The following UNC13C variants were observed in gnomAD, a reference collection of about 807,000 sequenced individuals.
UNC13C encodes unc-13 homolog C.
A neutral mutation model predicts 245.4 loss-of-function variants in UNC13C; 174 were observed. The ratio of observed to expected loss-of-function variants is 0.71; its 90% CI spans 0.63 to 0.80. The LOEUF is 0.80. UNC13C is among the 30% of genes least tolerant of loss of function. UNC13C has a pLI of 0.00. For missense variants in UNC13C, 2,829 were observed against 2,602.9 expected (o/e 1.09, Z -1.89); for synonymous variants, 992 against 895.1 (o/e 1.11, Z -1.93).
chr15:54,604,857 T>A (rs1899673024), intron 30 of UNC13C, among the ~76,000 whole-genome samples: 1 of 152,170 alleles, frequency 6.6e-6, no homozygotes, highest in Non-Finnish European at 1.5e-5. Flanking sequence ...CTCCTCATGC[T>A]TAAAATGTAG....
chr15:53,972,610 C>T, the UNC13C span: 2 of 152,038 alleles, frequency 1.3e-5, no homozygotes, highest in Admixed American at 6.6e-5. Flanking sequence ...ACCTGTTAGA[C>T]AAAGGACATC....
intron 4 of UNC13C, among the ~76,000 whole-genome samples, chr15:54,185,388 G>T (rs2033943285): frequency 1.3e-5 from 2 of 151,216 alleles, no homozygotes; most frequent in South Asian, 4.2e-4. Context: ...TTCTTCTAGG[G>T]TTTTTATGGT....
chr15:54,320,693 TCTC>T, intron 13 of UNC13C: 1 of 353,858 alleles, frequency 2.8e-6, no homozygotes, highest in East Asian at 7.7e-5. Flanking sequence ...CTGGCTCTCT[TCTC>T]CTGCTAAACT....
intron 4 of UNC13C, among the ~76,000 whole-genome samples, chr15:54,159,849 G>A (rs150545589): frequency 4.1e-4 from 62 of 152,332 alleles, no homozygotes; most frequent in Non-Finnish European, 8.2e-4. Context: ...CCATTATGCA[G>A]TAGTGCACTA....
chr15:54,070,099 A>G (rs887212947), intron 2 of UNC13C, among the ~76,000 whole-genome samples: 6 of 152,230 alleles, frequency 3.9e-5, no homozygotes, highest in African/African-American at 1.4e-4. Context: ...CGAAGCCCCT[A>G]CTGGGGCGAT....
the UNC13C span, among the ~76,000 whole-genome samples, chr15:53,847,794 G>A: frequency 2.0e-5 from 3 of 152,082 alleles, no homozygotes; most frequent in African/African-American, 7.2e-5. Flanking sequence ...GGTTAAACAT[G>A]CACCATTGTG....
intron 24 of UNC13C, among the ~76,000 whole-genome samples, chr15:54,521,620 A>T (rs1443608042): frequency 1.1e-4 from 17 of 152,190 alleles, no homozygotes; most frequent in Admixed American, 9.8e-4. Flanking sequence ...ACAAACAAAC[A>T]TGCAGTGTGG....
intron 2 of UNC13C, among the ~76,000 whole-genome samples, chr15:54,066,028 C>G (rs1488873722): frequency 6.6e-6 from 1 of 152,108 alleles, no homozygotes; most frequent in East Asian, 1.9e-4. Context: ...TTCTGAAGAT[C>G]CAAATTACTT....
chr15:53,977,564 T>C (rs561828791), upstream of UNC13C, among the ~76,000 whole-genome samples: 1 of 152,302 alleles, frequency 6.6e-6, no homozygotes, highest in East Asian at 1.9e-4. Context: ...CAAAGAAAAG[T>C]AAAATTTTAA....
intron 7 of UNC13C, among the ~76,000 whole-genome samples, chr15:54,242,721 A>T (rs2035886474): frequency 6.6e-6 from 1 of 152,238 alleles, no homozygotes; most frequent in Non-Finnish European, 1.5e-5. Flanking sequence ...TTGCATATAC[A>T]CAAAGTAATA....
At chr15:54,378,813 G>A (rs1298149796) in intron 17 of UNC13C, among the ~76,000 whole-genome samples, 1 of 151,848 alleles carries the variant, frequency 6.6e-6, no homozygotes, top group Non-Finnish European at 1.5e-5. Flanking sequence ...ATTCAGAATT[G>A]TAATATTTTA....
At chr15:53,992,301 T>G (rs1894427374) in intron 1 of UNC13C, among the ~76,000 whole-genome samples, 1 of 152,070 alleles carries the variant, frequency 6.6e-6, no homozygotes, top group Admixed American at 6.6e-5. Context: ...GTCTTACAGC[T>G]TCTTCAATAT....
chr15:54,311,315 C>G (rs1327488162), intron 13 of UNC13C, among the ~76,000 whole-genome samples: 1 of 151,658 alleles, frequency 6.6e-6, no homozygotes, highest in Non-Finnish European at 1.5e-5. Context: ...TATCTTTAAT[C>G]TTTAGGTGTA....
At chr15:54,248,169 C>T in intron 7 of UNC13C, among the ~76,000 whole-genome samples, 1 of 151,888 alleles carries the variant, frequency 6.6e-6, no homozygotes, top group Non-Finnish European at 1.5e-5. Flanking sequence ...TGTTTTATTC[C>T]CACTCAGTAT....
intron 2 of UNC13C, among the ~76,000 whole-genome samples, chr15:54,074,469 G>T (rs1898489852): frequency 6.6e-6 from 1 of 152,202 alleles, no homozygotes; most frequent in African/African-American, 2.4e-5. Context: ...ACTTTGGAAA[G>T]TATGGCCATT....
intron 26 of UNC13C, among the ~76,000 whole-genome samples, chr15:54,533,806 A>G (rs1379835860): frequency 6.6e-6 from 1 of 152,194 alleles, no homozygotes; most frequent in Non-Finnish European, 1.5e-5. Context: ...TACAATTTGT[A>G]ATGTGTCCAC....
intron 17 of UNC13C, among the ~76,000 whole-genome samples, chr15:54,366,272 A>G (rs2039363190): frequency 6.6e-6 from 1 of 152,192 alleles, no homozygotes; most frequent in African/African-American, 2.4e-5. Context: ...TATTTCCATA[A>G]CGTGGCAAAA....
chr15:54,577,085 AG>A lies in UNC13C; in HGVS notation c.6106+9139del, dbSNP rs138801536. Among the ~76,000 whole-genome samples the A allele has an allele frequency of 8.9e-3, 1,361 of 152,274 alleles. 14 individuals are homozygous for A. The highest frequency in any genetic ancestry group is 0.031 in the African/African-American group (1,284 of 41,538). ...TGTGTATGAGTATGTGTGCATCCTT[AG>A]AAAAAAGCTTGTAATTTTACAACTG... On this transcript the variant is annotated intron_variant, in intron 30 of 32. Transcript: ENST00000260323.
At chr15:54,535,803 A>G (rs1037719421) in intron 26 of UNC13C, among the ~76,000 whole-genome samples, 1 of 152,212 alleles carries the variant, frequency 6.6e-6, no homozygotes, top group African/African-American at 2.4e-5. Context: ...TTGTAAAAGA[A>G]AAGGTATAAC....
Sources: gnomAD v4.1 joint callset for allele counts (sites outside exome capture counted in the v4.1 genomes callset) on GRCh38, gnomAD v4.1.1 for gene constraint, MANE v1.5 for transcripts, NCBI Gene and HGNC (gene_info 2026-07-23, HGNC 2026-07-21) for gene names.